Variants in WDPCP observed in about 807,000 individuals in gnomAD.
WDPCP encodes WD repeat containing planar cell polarity effector.
A neutral mutation model predicts 93.1 loss-of-function variants in WDPCP; 71 were observed. That is an observed-to-expected ratio of 0.76 (90% CI 0.63 to 0.93). The LOEUF is 0.93. WDPCP is among the 40% of genes least tolerant of loss of function. The pLI, the probability that WDPCP is intolerant of heterozygous loss-of-function variation, is 0.00. For missense variants in WDPCP, 844 were observed against 887.4 expected (o/e 0.95, Z 0.62); for synonymous variants, 315 against 315.0 (o/e 1.00, Z 0.00).
At chr2:63,827,375 T>C (rs1021087154) in intron 1 of WDPCP, among the ~76,000 whole-genome samples, 1 of 152,162 alleles carries the variant, frequency 6.6e-6, no homozygotes, top group Non-Finnish European at 1.5e-5. Context: ...ATGATTCAAA[T>C]AGTTCAATCA....
intron 2 of WDPCP, among the ~76,000 whole-genome samples, chr2:63,725,348 C>T (rs1195724471): frequency 1.3e-5 from 2 of 152,192 alleles, no homozygotes; most frequent in Non-Finnish European, 1.5e-5. Context: ...CCTACAGTTG[C>T]ATCCATGTTG....
At chr2:63,153,437 G>A in intron 16 of WDPCP, 58 bp downstream of exon 16, 1 of 1,326,302 alleles carries the variant, frequency 7.5e-7, no homozygotes, top group Non-Finnish European at 1.1e-6. Context: ...GTTCTTGCAA[G>A]CTATAACATA....
rs1436215006 is a variant in WDPCP, at chr2:63,548,173, A to T, written c.75+40024T>A. ...CAAATGTAAGTATTACATAATACTT[A>T]TAAGAGACACATCTAAAATATAAGG... On this transcript the variant is annotated intron_variant, in intron 1 of 17. Transcript: ENST00000272321. 2.0e-5 allele frequency among the ~76,000 whole-genome samples: 3 copies of T among 152,164 alleles called. No homozygotes were observed. In the East Asian group the frequency reaches 5.8e-4, roughly 29 times the overall value.
At chr2:63,233,428 A>C (rs1056476668) in intron 14 of WDPCP, 35 of 208,598 alleles carry the variant, frequency 1.7e-4, no homozygotes, top group Non-Finnish European at 3.2e-4. Context: ...TAAGTCCTCT[A>C]CAAAGTTCTA....
chr2:63,522,447 G>GACAA (rs1190142205), intron 1 of WDPCP, among the ~76,000 whole-genome samples: 1 of 96,656 alleles, frequency 1.0e-5, no homozygotes, highest in African/African-American at 3.8e-5. Context: ...AAGACAGACA[G>GACAA]ACAGACAGAC....
chr2:63,530,063 T>C (rs1016391283), intron 1 of WDPCP, among the ~76,000 whole-genome samples: 1 of 152,244 alleles, frequency 6.6e-6, no homozygotes, highest in African/African-American at 2.4e-5. Flanking sequence ...TATCATTTTT[T>C]ATTGCATCTG....
chr2:63,143,841 A>G (rs1384666508), intron 17 of WDPCP, among the ~76,000 whole-genome samples: 1 of 152,200 alleles, frequency 6.6e-6, no homozygotes, highest in Non-Finnish European at 1.5e-5. Flanking sequence ...TTTATAGGTT[A>G]CTTGGTTCTT....
chr2:63,209,051 T>C (rs557019496), intron 14 of WDPCP, among the ~76,000 whole-genome samples: 3 of 152,326 alleles, frequency 2.0e-5, no homozygotes, highest in African/African-American at 7.2e-5. Context: ...CATTAGGGCT[T>C]GCTTTCTACT....
intron 13 of WDPCP, among the ~76,000 whole-genome samples, chr2:63,296,285 G>A (rs950142517): frequency 3.3e-5 from 5 of 150,846 alleles, no homozygotes; most frequent in African/African-American, 4.9e-5. Flanking sequence ...TGCATTGAGG[G>A]AACATACTTC....
At chr2:63,201,136 C>T (rs1477745615) in intron 14 of WDPCP, among the ~76,000 whole-genome samples, 38 of 152,022 alleles carry the variant, frequency 2.5e-4, no homozygotes, top group Admixed American at 2.2e-3. Flanking sequence ...CATGAGATCT[C>T]GATGTTTAAA....
intron 14 of WDPCP, among the ~76,000 whole-genome samples, chr2:63,216,092 C>G (rs1677309052): frequency 6.6e-6 from 1 of 152,164 alleles, no homozygotes; most frequent in Non-Finnish European, 1.5e-5. Flanking sequence ...AATAGGAACA[C>G]TTTTACACTG....
chr2:63,328,412 G>A (rs1018030784), intron 12 of WDPCP, among the ~76,000 whole-genome samples: 1 of 152,070 alleles, frequency 6.6e-6, no homozygotes, highest in Non-Finnish European at 1.5e-5. Context: ...CACTTACTGC[G>A]AAGGTCTGCA....
At chr2:63,458,191 C>T (rs1026774266) in intron 6 of WDPCP, among the ~76,000 whole-genome samples, 2 of 144,082 alleles carry the variant, frequency 1.4e-5, no homozygotes, top group Non-Finnish European at 3.0e-5. Flanking sequence ...TCCTAATCGA[C>T]ATAGTACTAG....
chr2:63,532,757 G>A (rs1003860982), intron 1 of WDPCP, among the ~76,000 whole-genome samples: 1 of 152,160 alleles, frequency 6.6e-6, no homozygotes, highest in Non-Finnish European at 1.5e-5. Context: ...GCAAAAACAT[G>A]TCAAATTCTA....
intron 1 of WDPCP, among the ~76,000 whole-genome samples, chr2:63,824,269 A>G (rs1274197770): frequency 2.6e-5 from 4 of 152,056 alleles, no homozygotes; most frequent in Non-Finnish European, 5.9e-5. Context: ...AAGTTTCCTG[A>G]GGACTCCCCA....
chr2:63,413,640 A>T (rs1486723710), intron 9 of WDPCP, among the ~76,000 whole-genome samples: 2 of 152,150 alleles, frequency 1.3e-5, no homozygotes, highest in South Asian at 2.1e-4. Context: ...TACTAAAAAT[A>T]CAAAAAAATT....
intron 1 of WDPCP, among the ~76,000 whole-genome samples, chr2:63,527,124 C>G (rs567928339): frequency 6.6e-6 from 1 of 152,022 alleles, no homozygotes; most frequent in Non-Finnish European, 1.5e-5. Flanking sequence ...CACATTCCTG[C>G]AAGCAAGGCA....
chr2:63,728,949 C>T (rs1575759629), intron 2 of WDPCP, among the ~76,000 whole-genome samples: 1 of 152,168 alleles, frequency 6.6e-6, no homozygotes, highest in East Asian at 1.9e-4. Flanking sequence ...CAAAAAGAAT[C>T]CTTGATTCAT....
At position 63,486,587 on chromosome 2, in the gene WDPCP, C is replaced by T. The variant is rs767481770; in HGVS notation, c.209-1G>A. 82 of 1,573,236 alleles carry T rather than the reference C, an allele frequency of 5.2e-5. No individual in the cohort carries two copies. The highest frequency in any genetic ancestry group is 6.9e-5 in the Non-Finnish European group (80 of 1,156,302). On this transcript the variant is annotated splice_acceptor_variant, in intron 3 of 17. Coordinates refer to ENST00000272321, the MANE Select transcript of WDPCP (RefSeq NM_015910.7). LOFTEE classifies it high-confidence loss of function. Reference sequence around the variant, plus strand: ...TTTTCTAAGTTACCATGCTCTGTCGCTGATATTGTGGCAGAAGGGATAGAA... The same window carrying T: ...TTTTCTAAGTTACCATGCTCTGTCGTTGATATTGTGGCAGAAGGGATAGAA...
Sources: gnomAD v4.1 joint callset for allele counts (sites outside exome capture counted in the v4.1 genomes callset) on GRCh38, gnomAD v4.1.1 for gene constraint, MANE v1.5 for transcripts, NCBI Gene and HGNC (gene_info 2026-07-23, HGNC 2026-07-21) for gene names.